CELF2: variants seen among roughly 807,000 people sequenced by gnomAD.
CELF2 encodes the protein CUG triplet repeat RNA-binding protein 2.
A neutral mutation model predicts 62.6 loss-of-function variants in CELF2; 8 were observed. The observed-to-expected ratio is 0.13, with a 90% CI of 0.07 to 0.23. The LOEUF (loss-of-function observed/expected upper bound fraction) is 0.23, where lower values mean the gene tolerates loss of function less well. Among genes scored for constraint, CELF2 ranks in the 10% least tolerant of loss-of-function variants. The pLI is 1.00. For missense variants in CELF2, 333 were observed against 671.0 expected (o/e 0.50, Z 5.56); for synonymous variants, 258 against 250.0 (o/e 1.03, Z -0.30).
intron 1 of CELF2, among the ~76,000 whole-genome samples, chr10:11,009,261 G>A (rs981741544): frequency 3.3e-5 from 5 of 152,008 alleles, no homozygotes; most frequent in African/African-American, 7.3e-5. Context: ...TCCTAGAGCC[G>A]AAGCACCTTT....
At chr10:11,239,882 C>T (rs1589643890) in intron 3 of CELF2, among the ~76,000 whole-genome samples, 1 of 151,996 alleles carries the variant, frequency 6.6e-6, no homozygotes, top group Admixed American at 6.6e-5. Context: ...GGTGAAACCC[C>T]GTCTCTACAA....
chr10:11,165,497 CCAA>C lies in CELF2; in HGVS notation c.90_92del (p.Asn30del). ...TCCGTTTTTGACAGTAACGGCACAG[CCAA>C]CAAGATGAACGGAGCTTTGGATCAC... On this transcript the variant is annotated inframe_deletion, in exon 2 of 13. Transcript: ENST00000633077. The surrounding 1 kb of genome is among the most constrained non-coding windows in gnomAD (Gnocchi z 7.4). The C allele has an allele frequency of 1.2e-6, 2 of 1,613,722 alleles. No homozygotes were observed. Among genetic ancestry groups the C allele is most frequent in the African/African-American group, 2.7e-5 (2 of 74,978 alleles).
intron 2 of CELF2, among the ~76,000 whole-genome samples, chr10:10,939,601 C>T (rs1175231212): frequency 6.6e-6 from 1 of 150,864 alleles, no homozygotes; most frequent in African/African-American, 2.4e-5. Flanking sequence ...TTAGCAAATT[C>T]TTAATAAGTG....
intron 2 of CELF2, among the ~76,000 whole-genome samples, chr10:10,999,655 C>G (rs150034865): frequency 0.01 from 1,581 of 152,326 alleles, 15 homozygotes; most frequent in Non-Finnish European, 0.017. Flanking sequence ...TAGTTTCAAA[C>G]TCATCTTTCC....
rs115895198 is a variant in CELF2 at position 11,280,713 on chromosome 10, G to T, written c.841+5593G>T. 6.6e-6 allele frequency among the ~76,000 whole-genome samples: 1 copy of T among 152,194 alleles called. No homozygotes were observed. Among genetic ancestry groups the T allele is most frequent in the South Asian group, 2.1e-4 (1 of 4,834 alleles). On this transcript the variant is annotated intron_variant, in intron 8 of 12. Transcript: ENST00000633077. This position sits in a 1 kb window ranked among gnomAD's most constrained non-coding sequence, Gnocchi z 7.6. ...GGCAGGATGGACAGAGGACACATGGGCCACGGCCTCTGCCTGGCTGAGTGG... is the reference window on the plus strand; with the variant it reads ...GGCAGGATGGACAGAGGACACATGGTCCACGGCCTCTGCCTGGCTGAGTGG...
At position 11,169,860 on chromosome 10, in the gene CELF2, G is replaced by A. The variant is rs1193684255; in HGVS notation, c.271+4178G>A. Among the ~76,000 whole-genome samples, 3 of 152,182 alleles carry A rather than the reference G, an allele frequency of 2.0e-5. No individual in the cohort carries two copies. In the East Asian group the frequency reaches 5.8e-4, roughly 29 times the overall value. ...CAGGAGGCTTTGGCTTAACTGGGAG[G>A]ATTGTGAGCACAGTCAGCAGTGGTG... On this transcript the variant is annotated intron_variant, in intron 2 of 12. Transcript: ENST00000633077.
the CELF2 span, among the ~76,000 whole-genome samples, chr10:10,530,453 A>G: frequency 6.6e-6 from 1 of 152,212 alleles, no homozygotes; most frequent in Non-Finnish European, 1.5e-5. Context: ...AACGTTATCA[A>G]TCTGTTCCCT....
At chr10:11,284,087 G>T (rs2090153457) in intron 8 of CELF2, among the ~76,000 whole-genome samples, 3 of 136,078 alleles carry the variant, frequency 2.2e-5, no homozygotes, top group East Asian at 2.6e-4. Context: ...GATGGATGGA[G>T]GAGTGGGTGG....
intron 3 of CELF2, among the ~76,000 whole-genome samples, chr10:11,233,627 T>G (rs2069764223): frequency 1.3e-5 from 2 of 152,210 alleles, no homozygotes; most frequent in African/African-American, 4.8e-5. Context: ...TTGCCCATCT[T>G]AAGTGAATTG....
At chr10:10,880,675 C>T (rs75107980) in intron 1 of CELF2, among the ~76,000 whole-genome samples, 3,016 of 152,258 alleles carry the variant, frequency 0.02, 92 homozygotes, top group African/African-American at 0.066. Context: ...AAGGACCAAG[C>T]AACTAGGCCA....
At chr10:10,882,364 T>C (rs903643470) in intron 1 of CELF2, among the ~76,000 whole-genome samples, 7 of 152,226 alleles carry the variant, frequency 4.6e-5, no homozygotes, top group African/African-American at 1.7e-4. Flanking sequence ...AACTGAAATG[T>C]GGTTTCCCTC....
At chr10:11,172,508 T>G (rs987947671) in intron 2 of CELF2, among the ~76,000 whole-genome samples, 5 of 152,234 alleles carry the variant, frequency 3.3e-5, no homozygotes, top group Non-Finnish European at 7.3e-5. Context: ...TAAATAAGCC[T>G]CCTTTAAGTT....
In CELF2 at chr10:11,318,643, CCA is replaced by C. The variant is rs1477952407; in HGVS notation, c.1097-2545_1097-2544del. 2.5e-6 allele frequency: 1 copy of C among 395,494 alleles called. No individual in the cohort carries two copies. Among genetic ancestry groups the C allele is most frequent in the African/African-American group, 2.1e-5 (1 of 47,476 alleles). 24.5% of individuals were successfully genotyped at this position (395,494 alleles called of 1,614,324 possible). ...TCACAATACCCTCTGAAACATCCAT[CCA>C]GTATTTCAAGAGCAGGAGCTGTGTT... On this transcript the variant is annotated intron_variant, in intron 10 of 12. Coordinates refer to ENST00000633077, the MANE Select transcript of CELF2 (RefSeq NM_001326342.2). This position sits in a 1 kb window ranked among gnomAD's most constrained non-coding sequence, Gnocchi z 5.4.
At chr10:10,933,128 C>G (rs1239788488) in intron 2 of CELF2, among the ~76,000 whole-genome samples, 1 of 120,076 alleles carries the variant, frequency 8.3e-6, no homozygotes, top group Non-Finnish European at 1.7e-5. Context: ...AACCAAGTCT[C>G]TTAAAAAAAA....
the CELF2 span, among the ~76,000 whole-genome samples, chr10:10,775,371 C>A: frequency 6.6e-6 from 1 of 152,028 alleles, no homozygotes; most frequent in East Asian, 1.9e-4. Context: ...TGGCTCACAC[C>A]TGTAATCCCA....
At chr10:11,140,453 C>T (rs1227649000) in intron 1 of CELF2, among the ~76,000 whole-genome samples, 2 of 151,986 alleles carry the variant, frequency 1.3e-5, no homozygotes. Context: ...TGGTATGCTT[C>T]TCTGTGAAAT....
chr10:10,545,281 A>T, the CELF2 span, among the ~76,000 whole-genome samples: 15,598 of 152,244 alleles, frequency 0.1, 1,050 homozygotes, highest in South Asian at 0.22. Flanking sequence ...GTGTGCTGGT[A>T]TGTTGTCAGG....
In CELF2 at chr10:11,255,473, C is replaced by T. The variant is rs1253685021; in HGVS notation, c.404-2265C>T. ...TGCCTGGTTAGGACCTCTTTGCTCTCCCACCTCCAGTCTCTCCAGACCCTT... is the reference window on the plus strand; with the variant it reads ...TGCCTGGTTAGGACCTCTTTGCTCTTCCACCTCCAGTCTCTCCAGACCCTT... On this transcript the variant is annotated intron_variant, in intron 4 of 12. Transcript: ENST00000633077. The surrounding 1 kb of genome is among the most constrained non-coding windows in gnomAD (Gnocchi z 5.5). 1.3e-5 allele frequency among the ~76,000 whole-genome samples: 2 copies of T among 152,230 alleles called. No homozygotes were observed. The highest frequency in any genetic ancestry group is 2.9e-5 in the Non-Finnish European group (2 of 68,046).
intron 1 of CELF2, among the ~76,000 whole-genome samples, chr10:10,814,147 C>T (rs548673874): frequency 1.4e-5 from 2 of 146,332 alleles, no homozygotes; most frequent in East Asian, 2.1e-4. Flanking sequence ...AGGCACTTAT[C>T]CCTTTGGGGA....
Sources: allele counts gnomAD v4.1 joint callset (sites outside exome capture counted in the v4.1 genomes callset), GRCh38; gene constraint gnomAD v4.1.1; non-coding constraint Gnocchi (gnomAD v3.1); transcripts MANE v1.5; gene names NCBI Gene and HGNC (gene_info 2026-07-23, HGNC 2026-07-21).